RAB9B: variants seen among roughly 807,000 people sequenced by gnomAD.
RAB9B encodes RAB9B, member RAS oncogene family.
In RAB9B, 1 loss-of-function variant was observed where a neutral mutation model predicts 8.9. The observed-to-expected ratio is 0.11, with a 90% confidence interval of 0.04 to 0.53. The LOEUF is 0.53. RAB9B is among the 20% of genes least tolerant of loss of function. The pLI, the probability that RAB9B is intolerant of heterozygous loss-of-function variation, is 0.93. For synonymous variants in RAB9B, 63 were observed against 57.0 expected, an observed-to-expected ratio of 1.10 and a Z score of -0.47; for missense variants, 82 against 152.9, an observed-to-expected ratio of 0.54 and a Z score of 2.45.
chrX:103,786,396 T>C, the RAB9B span: 6,491 of 1,129,525 alleles, frequency 5.7e-3, 26 homozygotes, highest in Non-Finnish European at 6.6e-3. Flanking sequence ...ACCTCACTTA[T>C]GTCGGGAAAG....
At chrX:103,813,155 T>C in the RAB9B span, among the ~76,000 whole-genome samples, 1 of 109,991 alleles carries the variant, frequency 9.1e-6, no homozygotes, top group African/African-American at 3.3e-5. Context: ...TCTCCTCATC[T>C]TGTGATCTGC....
At chrX:103,809,217 T>G in the RAB9B span, among the ~76,000 whole-genome samples, 2 of 112,411 alleles carry the variant, frequency 1.8e-5, no homozygotes, top group Non-Finnish European at 1.9e-5. Context: ...GGTGGCCATC[T>G]GCAAGCTAGT....
At position 103,825,266 on chromosome X, in the gene RAB9B, C is replaced by T; in HGVS notation, c.519G>A (p.Leu173=). 1.7e-6 allele frequency: 2 copies of T among 1,211,569 alleles called. No individual in the cohort carries two copies. The highest frequency in any genetic ancestry group is 1.1e-6 in the Non-Finnish European group (1 of 895,389). The change falls in exon 3 of 3, where the codon CTG becomes CTA. Residue 173 remains leucine (L), a synonymous_variant. Transcript: ENST00000243298. ...AATGCTCCAGCTGTTCCTCTACAGC[C>T]AGCACCTGCCTGACAGCTTCTTCAA... ...VAFEEAVRQV[L]AVEEQLEHCM... is the part of the protein sequence containing the mutation.
At chrX:103,799,090 C>T in the RAB9B span, among the ~76,000 whole-genome samples, 1 of 108,904 alleles carries the variant, frequency 9.2e-6, no homozygotes, top group African/African-American at 3.3e-5. Flanking sequence ...TATATTAGAA[C>T]AGCAGTACAT....
the RAB9B span, among the ~76,000 whole-genome samples, chrX:103,805,012 T>C: frequency 9.0e-6 from 1 of 111,706 alleles, no homozygotes; most frequent in Non-Finnish European, 1.9e-5. Flanking sequence ...TTCTGCCTAA[T>C]TGACCTGGTT....
chrX:103,786,103 T>C, the RAB9B span: 9 of 1,070,078 alleles, frequency 8.4e-6, no homozygotes, highest in Non-Finnish European at 9.7e-6. Context: ...AAGCCTCTCC[T>C]GTTCCTAGAA....
Position 103,822,415 on chromosome X carries a change from T to G in RAB9B, c.*2764A>C, listed in dbSNP as rs1272254457. The G allele has an allele frequency of 9.0e-6, 1 of 111,421 alleles. No homozygotes were observed. Among genetic ancestry groups the G allele is most frequent in the African/African-American group, 3.3e-5 (1 of 30,651 alleles). 9.2% of individuals were successfully genotyped at this position (111,421 alleles called of 1,213,427 possible). ...AAAATATTTGATACACAATTTTGAG[T>G]TTTTTTTAGCAGCACCTGCAACAAG... On this transcript the variant is annotated 3_prime_UTR_variant, in exon 3 of 3. Transcript: ENST00000243298.
chrX:103,796,132 T>TTAAG, the RAB9B span, among the ~76,000 whole-genome samples: 1 of 112,368 alleles, frequency 8.9e-6, no homozygotes, highest in Non-Finnish European at 1.9e-5. Flanking sequence ...TTAAAAAATT[T>TTAAG]TAAGTCATGC....
chrX:103,793,146 C>T, the RAB9B span, among the ~76,000 whole-genome samples: 7 of 111,896 alleles, frequency 6.3e-5, no homozygotes, highest in Non-Finnish European at 9.4e-5. Context: ...GAAAGGGCAA[C>T]GTAAATGTAA....
the RAB9B span, among the ~76,000 whole-genome samples, chrX:103,803,018 T>A: frequency 1.8e-5 from 2 of 112,206 alleles, no homozygotes; most frequent in East Asian, 5.5e-4. Flanking sequence ...TCCATTTTAT[T>A]GTCAAATAAT....
the RAB9B span, chrX:103,786,830 T>C: frequency 1.1e-6 from 1 of 880,275 alleles, no homozygotes; most frequent in Non-Finnish European, 1.7e-6. Flanking sequence ...TCTAGGGGCC[T>C]GGCATTTGAG....
the RAB9B span, among the ~76,000 whole-genome samples, chrX:103,813,212 C>T: frequency 1.1e-4 from 12 of 110,333 alleles, no homozygotes; most frequent in Non-Finnish European, 1.9e-4. Flanking sequence ...TGAGCCAGCA[C>T]GTCCAGCATC....
the RAB9B span, among the ~76,000 whole-genome samples, chrX:103,800,809 C>T: frequency 4.5e-5 from 5 of 111,644 alleles, no homozygotes; most frequent in African/African-American, 1.6e-4. Flanking sequence ...CTTTTGATAT[C>T]GTTCACTATC....
At chrX:103,815,494 C>A in the RAB9B span, among the ~76,000 whole-genome samples, 1 of 112,288 alleles carries the variant, frequency 8.9e-6, no homozygotes, top group Admixed American at 9.4e-5. Flanking sequence ...TGGGCAAAAA[C>A]AGGAAGCATT....
the RAB9B span, chrX:103,785,900 C>G: frequency 5.4e-6 from 4 of 739,955 alleles, no homozygotes; most frequent in Non-Finnish European, 8.3e-6. Context: ...CGAGTCTTCC[C>G]TCTGTGCAGA....
intron 1 of RAB9B, 79 bp from the exon 2 acceptor site, chrX:103,827,157 C>A: frequency 1.9e-5 from 2 of 106,054 alleles, no homozygotes; most frequent in Non-Finnish European, 3.9e-5. Context: ...AAAATATATT[C>A]AAGTCAGAAA....
At chrX:103,804,790 AT>A in the RAB9B span, among the ~76,000 whole-genome samples, 2 of 111,807 alleles carry the variant, frequency 1.8e-5, no homozygotes, top group African/African-American at 6.5e-5. Context: ...ATGAAATTAT[AT>A]TTTTAATTTT....
At chrX:103,819,001 C>G (rs2074649946), downstream of RAB9B, among the ~76,000 whole-genome samples, 1 of 111,158 alleles carries the variant, frequency 9.0e-6, no homozygotes, top group African/African-American at 3.3e-5. Flanking sequence ...ACTTGTTCAT[C>G]TATTAACAGA....
At chrX:103,792,356 A>G in the RAB9B span, 2 of 112,593 alleles carry the variant, frequency 1.8e-5, no homozygotes, top group African/African-American at 6.5e-5. Flanking sequence ...CAATCAAGAT[A>G]AAGGACAGTG....
Sources: gnomAD v4.1 joint callset for allele counts (sites outside exome capture counted in the v4.1 genomes callset) on GRCh38, gnomAD v4.1.1 for gene constraint, MANE v1.5 for transcripts, NCBI Gene and HGNC (gene_info 2026-07-23, HGNC 2026-07-21) for gene names.